Variants in MGST1 observed in about 807,000 individuals in gnomAD.
MGST1 encodes the protein microsomal glutathione S-transferase 1.
In MGST1, 5 loss-of-function variants were observed where a neutral mutation model predicts 8.9. The ratio of observed to expected loss-of-function variants is 0.56; its 90% confidence interval spans 0.29 to 1.19. The LOEUF (loss-of-function observed/expected upper bound fraction) is 1.19. Ranked by LOEUF, MGST1 falls within the 50% of genes most tolerant of loss-of-function variation. The pLI, the probability that MGST1 is intolerant of heterozygous loss-of-function variation, is 0.08. For missense variants in MGST1, 182 were observed against 187.4 expected (o/e 0.97, Z 0.17); for synonymous variants, 54 against 67.8 (o/e 0.80, Z 1.00).
At position 16,395,804 on chromosome 12, in the gene MGST1, T is replaced by TAC. The variant is rs61693803; in HGVS notation, n.778+12221_778+12222dup. Among the ~76,000 whole-genome samples the TAC allele has an allele frequency of 2.6e-3, 321 of 123,678 alleles. 4 individuals are homozygous for TAC. Among genetic ancestry groups the TAC allele is most frequent in the Middle Eastern group, 4.3e-3 (1 of 230 alleles). 81.1% of individuals were successfully genotyped at this position (123,678 alleles called of 152,430 possible). ...TCATATATATATATATATATATATA[T>TAC]ACACACACACACACACACACACCAC... On this transcript the variant is annotated intron_variant and non_coding_transcript_variant, in intron 1 of 1. Transcript: ENST00000359720.
At chr12:16,489,993 T>C (rs1040735551) in intron 4 of MGST1, among the ~76,000 whole-genome samples, 7 of 152,266 alleles carry the variant, frequency 4.6e-5, no homozygotes, top group African/African-American at 1.7e-4. Flanking sequence ...CTGGGTGTGG[T>C]GGCTCATGTC....
chr12:16,543,908 G>C (rs1362069825), intron 4 of MGST1, among the ~76,000 whole-genome samples: 1 of 151,984 alleles, frequency 6.6e-6, no homozygotes, highest in Non-Finnish European at 1.5e-5. Context: ...AATTAAGACT[G>C]GGGATAAATT....
chr12:16,456,188 A>C (rs1941170584), intron 4 of MGST1, among the ~76,000 whole-genome samples: 1 of 151,826 alleles, frequency 6.6e-6, no homozygotes. Context: ...CAGTTTGTTA[A>C]ACCTTTTGTT....
chr12:16,462,417 G>A (rs1244867149), intron 4 of MGST1, among the ~76,000 whole-genome samples: 3 of 152,106 alleles, frequency 2.0e-5, no homozygotes, highest in Non-Finnish European at 4.4e-5. Flanking sequence ...AGCATTTGCT[G>A]TCTTGTGTAA....
intron 4 of MGST1, among the ~76,000 whole-genome samples, chr12:16,452,417 A>C (rs1183232410): frequency 1.3e-5 from 2 of 150,798 alleles, no homozygotes; most frequent in African/African-American, 2.4e-5. Flanking sequence ...AAAAAAATGG[A>C]AACTGTTTGG....
chr12:16,422,907 C>G (rs919946369), intron 1 of MGST1, among the ~76,000 whole-genome samples: 5 of 152,096 alleles, frequency 3.3e-5, no homozygotes, highest in African/African-American at 1.2e-4. Flanking sequence ...CATGGACATG[C>G]TGATTGGTAC....
In MGST1 at chr12:16,361,811, AAG is replaced by A. The variant is rs1940008499; in HGVS notation, c.222-1980_222-1979del. On this transcript the variant is annotated intron_variant, in intron 3 of 3. Transcript: ENST00000396210. The surrounding 1 kb of genome is among the most constrained non-coding windows in gnomAD (Gnocchi z 4.2). ...ACATTTTGAGGGCTGACGAAAGAGAAAGAGAACTCAAAAGGGAGAATAAGATA... is the reference window on the plus strand; with the variant it reads ...ACATTTTGAGGGCTGACGAAAGAGAAAGAACTCAAAAGGGAGAATAAGATA... Among the ~76,000 whole-genome samples, 1 of 152,180 alleles carries A rather than the reference AAG, an allele frequency of 6.6e-6. No individual in the cohort carries two copies.
intron 4 of MGST1, among the ~76,000 whole-genome samples, chr12:16,486,402 T>C (rs1292626419): frequency 1.3e-5 from 2 of 152,104 alleles, no homozygotes; most frequent in Non-Finnish European, 2.9e-5. Context: ...AGAACAATAA[T>C]AGAAAATAAG....
intron 4 of MGST1, among the ~76,000 whole-genome samples, chr12:16,447,724 C>A (rs748868303): frequency 2.4e-4 from 36 of 151,946 alleles, no homozygotes; most frequent in Middle Eastern, 3.2e-3. Flanking sequence ...TTGCACAGCT[C>A]AGATATTCAA....
At chr12:16,408,360 C>T (rs1228041051) in intron 1 of MGST1, among the ~76,000 whole-genome samples, 1 of 152,142 alleles carries the variant, frequency 6.6e-6, no homozygotes, top group African/African-American at 2.4e-5. Flanking sequence ...TGCACATGTA[C>T]CCCGATCCTA....
chr12:16,489,899 T>G (rs952084928), intron 4 of MGST1, among the ~76,000 whole-genome samples: 1 of 152,164 alleles, frequency 6.6e-6, no homozygotes, highest in Non-Finnish European at 1.5e-5. Flanking sequence ...AAGAACATAC[T>G]TTCCAACTTG....
chr12:16,420,177 A>G (rs1940822431), intron 1 of MGST1, among the ~76,000 whole-genome samples: 1 of 152,184 alleles, frequency 6.6e-6, no homozygotes, highest in African/African-American at 2.4e-5. Context: ...ACTTAAAAAT[A>G]TATATTTCAT....
intron 1 of MGST1, among the ~76,000 whole-genome samples, chr12:16,418,680 C>T (rs1004836850): frequency 6.6e-6 from 1 of 152,090 alleles, no homozygotes; most frequent in African/African-American, 2.4e-5. Context: ...CCACCTTTGC[C>T]ACCAACTTGA....
At chr12:16,373,113 A>T (rs534764466) in intron 3 of MGST1, among the ~76,000 whole-genome samples, 35 of 151,490 alleles carry the variant, frequency 2.3e-4, no homozygotes, top group Non-Finnish European at 4.7e-4. Flanking sequence ...ACATGGATAG[A>T]ACTGGAGGCT....
chr12:16,368,191 A>T (rs541188707), downstream of MGST1, among the ~76,000 whole-genome samples: 24 of 152,326 alleles, frequency 1.6e-4, 1 homozygote, highest in South Asian at 3.7e-3. Flanking sequence ...CTAGGCAGTG[A>T]GGAGAAGGGC....
At chr12:16,578,306 A>G (rs1943056109) in intron 4 of MGST1, among the ~76,000 whole-genome samples, 1 of 152,180 alleles carries the variant, frequency 6.6e-6, no homozygotes, top group Non-Finnish European at 1.5e-5. Flanking sequence ...TTTGAGAACA[A>G]TTGTATTTTA....
At position 16,582,879 on chromosome 12, in the gene MGST1, C is replaced by G. The variant is rs1039185406; in HGVS notation, n.483-6649C>G. ...CCTGGCCAACATGGCGAAACCCCGT[C>G]TCTACTAAAATAAAAAAATTAGCCG... On this transcript the variant is annotated intron_variant and non_coding_transcript_variant, in intron 4 of 4. Coordinates refer to the MGST1 transcript ENST00000538857. The surrounding 1 kb of genome is among the most constrained non-coding windows in gnomAD (Gnocchi z 4.1). 1.3e-5 allele frequency among the ~76,000 whole-genome samples: 2 copies of G among 151,964 alleles called. No individual in the cohort carries two copies. The highest frequency in any genetic ancestry group is 4.8e-5 in the African/African-American group (2 of 41,402).
At chr12:16,539,545 G>A (rs1281538008) in intron 4 of MGST1, among the ~76,000 whole-genome samples, 1 of 152,110 alleles carries the variant, frequency 6.6e-6, no homozygotes, top group Non-Finnish European at 1.5e-5. Context: ...TCGTGGAGGT[G>A]TACCTTATCT....
intron 4 of MGST1, among the ~76,000 whole-genome samples, chr12:16,504,480 T>A (rs1438979934): frequency 6.6e-6 from 1 of 152,200 alleles, no homozygotes; most frequent in Non-Finnish European, 1.5e-5. Flanking sequence ...TTCTCTTTCC[T>A]TTTAATTTGC....
Sources: allele counts gnomAD v4.1 joint callset (sites outside exome capture counted in the v4.1 genomes callset), GRCh38; gene constraint gnomAD v4.1.1; non-coding constraint Gnocchi (gnomAD v3.1); transcripts MANE v1.5; gene names NCBI Gene and HGNC (gene_info 2026-07-23, HGNC 2026-07-21).